Variants in SLC39A11 observed in about 807,000 individuals in gnomAD.
SLC39A11 encodes solute carrier family 39 member 11, also known as zinc transporter ZIP11.
Under a neutral mutation model 36.1 loss-of-function variants are expected in SLC39A11, and 33 were observed. That is an observed-to-expected ratio of 0.91 (90% CI 0.69 to 1.22). The LOEUF is 1.22. Among genes scored for constraint, SLC39A11 ranks in the 50% most tolerant of loss-of-function variants. The pLI, the probability that SLC39A11 is intolerant of heterozygous loss-of-function variation, is 0.00. For missense variants in SLC39A11, 432 were observed against 430.3 expected (o/e 1.00, Z -0.03); for synonymous variants, 166 against 170.3 (o/e 0.97, Z 0.20).
chr17:72,963,521 A>G (rs1460275523), intron 4 of SLC39A11, among the ~76,000 whole-genome samples: 4 of 152,076 alleles, frequency 2.6e-5, no homozygotes, highest in African/African-American at 2.4e-5. Context: ...CTACCACCAC[A>G]TATCTGTTTA....
chr17:72,770,207 G>A lies in SLC39A11; in HGVS notation c.602-33488C>T, dbSNP rs1316423641. 9.8e-5 allele frequency among the ~76,000 whole-genome samples: 15 copies of A among 152,302 alleles called. No individual in the cohort carries two copies. The East Asian group carries it at 2.3e-3, about 24-fold the overall frequency. The stretch of plus-strand genomic sequence containing the variant: ...TTGAGGACATTATGCTAAGTGAAAT[G>A]AGCCAGACACAAAAGAACAAATACT... On this transcript the variant is annotated intron_variant, in intron 6 of 9. Coordinates refer to ENST00000255559, the MANE Select transcript of SLC39A11 (RefSeq NM_139177.4).
chr17:72,692,294 G>A (rs2072070224), intron 7 of SLC39A11, among the ~76,000 whole-genome samples: 1 of 152,108 alleles, frequency 6.6e-6, no homozygotes, highest in Non-Finnish European at 1.5e-5. Flanking sequence ...TACAGGCGTG[G>A]GCTACCGCGC....
At chr17:72,732,374 T>C (rs1488142839) in intron 7 of SLC39A11, among the ~76,000 whole-genome samples, 1 of 152,162 alleles carries the variant, frequency 6.6e-6, no homozygotes, top group East Asian at 1.9e-4. Flanking sequence ...CTATATTCAG[T>C]GTATTCAGAT....
At position 72,871,244 on chromosome 17, in the gene SLC39A11, G is replaced by A. The variant is rs538309886; in HGVS notation, c.431-21440C>T. Among the ~76,000 whole-genome samples, 3 of 151,892 alleles carry A rather than the reference G, an allele frequency of 2.0e-5. No homozygotes were observed. In the South Asian group the frequency reaches 6.3e-4, roughly 32 times the overall value. On this transcript the variant is annotated intron_variant, in intron 5 of 9. Transcript: ENST00000255559. ...GCCCGGCTAATTTTTTTGTATCTTA[G>A]TAGAGACAGGGTTTTACTATATGCC... is the stretch of plus-strand genomic sequence containing the variant.
chr17:72,870,831 G>A (rs948449883), intron 5 of SLC39A11, among the ~76,000 whole-genome samples: 1 of 152,212 alleles, frequency 6.6e-6, no homozygotes, highest in Admixed American at 6.5e-5. Context: ...CTGCCGCAAT[G>A]TTAAGGGCCA....
chr17:73,061,539 C>T (rs539726557), intron 3 of SLC39A11, among the ~76,000 whole-genome samples: 1 of 152,288 alleles, frequency 6.6e-6, no homozygotes, highest in South Asian at 2.1e-4. Flanking sequence ...TTATCCAAGT[C>T]AAATCACCTA....
At position 72,649,264 on chromosome 17, in the gene SLC39A11, A is replaced by C; in HGVS notation, c.676T>G (p.Leu226Val). Residue 226 changes from leucine (L) to valine (V), a missense_variant, in exon 8 of 10, where the codon TTG (leucine) becomes GTG (valine). By Grantham distance (32) the Leu-to-Val change is conservative. Coordinates refer to ENST00000255559, the MANE Select transcript of SLC39A11 (RefSeq NM_139177.4). ...ASATFESARN[L>V]AIGIGIQNFP... ...TTCTGGATCCCGATTCCAATGGCCA[A>C]ATTCCTGAAAAACCAAGAAAGCACA... 1 of 1,614,052 alleles carries C rather than the reference A, an allele frequency of 6.2e-7. No individual in the cohort carries two copies.
intron 4 of SLC39A11, among the ~76,000 whole-genome samples, chr17:73,017,229 T>C (rs1034511126): frequency 7.2e-5 from 11 of 152,126 alleles, no homozygotes; most frequent in African/African-American, 1.9e-4. Flanking sequence ...TAAAATACTA[T>C]GAAGTTAAGT....
chr17:72,988,092 C>A (rs1568076224), intron 4 of SLC39A11, among the ~76,000 whole-genome samples: 1 of 152,090 alleles, frequency 6.6e-6, no homozygotes, highest in South Asian at 2.1e-4. Flanking sequence ...ATGGAGAATG[C>A]GACATCCATC....
intron 7 of SLC39A11, among the ~76,000 whole-genome samples, chr17:72,694,471 C>T (rs907972553): frequency 2.6e-5 from 4 of 152,226 alleles, no homozygotes; most frequent in East Asian, 1.9e-4. Context: ...TCACGATACC[C>T]GGATCTCAGC....
chr17:72,733,080 T>C (rs1225121101), intron 7 of SLC39A11, among the ~76,000 whole-genome samples: 1 of 152,182 alleles, frequency 6.6e-6, no homozygotes, highest in East Asian at 1.9e-4. Context: ...GCTGTTTCAG[T>C]TCCCTGACAT....
chr17:72,762,606 T>C (rs2075627397), intron 6 of SLC39A11, among the ~76,000 whole-genome samples: 3 of 152,200 alleles, frequency 2.0e-5, no homozygotes, highest in Admixed American at 6.5e-5. Flanking sequence ...TCCTTTACTT[T>C]CTTATTACAT....
chr17:72,859,816 G>A (rs919158354), intron 5 of SLC39A11, among the ~76,000 whole-genome samples: 1 of 134,856 alleles, frequency 7.4e-6, no homozygotes, highest in African/African-American at 2.8e-5. Flanking sequence ...GTGAAACCCT[G>A]TCTCTACTAA....
At position 72,932,870 on chromosome 17, in the gene SLC39A11, C is replaced by T. The variant is rs142392131; in HGVS notation, c.430+14882G>A. ...AAACCCAGTAAGTCTGACTCCAGAACTTATTCTCTGAACTCCAAATCTATA... is the reference window on the plus strand; with the variant it reads ...AAACCCAGTAAGTCTGACTCCAGAATTTATTCTCTGAACTCCAAATCTATA... On this transcript the variant is annotated intron_variant, in intron 5 of 9. Coordinates refer to ENST00000255559, the MANE Select transcript of SLC39A11 (RefSeq NM_139177.4). Among the ~76,000 whole-genome samples the T allele has an allele frequency of 2.2e-3, 342 of 152,338 alleles. 1 individual carries two copies. Among genetic ancestry groups the T allele is most frequent in the Middle Eastern group, 0.01 (3 of 294 alleles).
At chr17:73,047,994 T>A (rs1356438173) in intron 3 of SLC39A11, among the ~76,000 whole-genome samples, 3,027 of 47,902 alleles carry the variant, frequency 0.063, 67 homozygotes, top group East Asian at 0.11. Context: ...AAAAAAAATA[T>A]ATATATATAT....
chr17:72,792,338 G>T (rs2076737172), intron 6 of SLC39A11, among the ~76,000 whole-genome samples: 1 of 152,160 alleles, frequency 6.6e-6, no homozygotes, highest in Non-Finnish European at 1.5e-5. Flanking sequence ...AATTCTGCTG[G>T]CAGGCAGTGA....
chr17:72,961,114 C>T (rs1484109405), intron 4 of SLC39A11, among the ~76,000 whole-genome samples: 1 of 152,202 alleles, frequency 6.6e-6, no homozygotes. Flanking sequence ...ACTGATGGCT[C>T]AGGAGGCCTG....
chr17:72,948,976 G>A (rs1008070307), intron 4 of SLC39A11, among the ~76,000 whole-genome samples: 1 of 152,008 alleles, frequency 6.6e-6, no homozygotes, highest in Non-Finnish European at 1.5e-5. Context: ...AGGCAGAGGA[G>A]AGACTCAACC....
intron 5 of SLC39A11, among the ~76,000 whole-genome samples, chr17:72,863,032 C>T (rs895149629): frequency 7.2e-5 from 11 of 152,148 alleles, no homozygotes; most frequent in Admixed American, 6.5e-5. Flanking sequence ...CACAGTAGAC[C>T]CAGGCAGGGC....
Sources: allele counts gnomAD v4.1 joint callset (sites outside exome capture counted in the v4.1 genomes callset), GRCh38; gene constraint gnomAD v4.1.1; transcripts MANE v1.5; gene names NCBI Gene and HGNC (gene_info 2026-07-23, HGNC 2026-07-21).